MAGI1: variants seen among roughly 807,000 people sequenced by gnomAD.
MAGI1 encodes membrane associated guanylate kinase, WW and PDZ domain containing 1, also known as membrane-associated guanylate kinase, WW and PDZ domain-containing protein 1.
Under a neutral mutation model 139.9 loss-of-function variants are expected in MAGI1, and 58 were observed. The ratio of observed to expected loss-of-function variants is 0.41; its 90% CI spans 0.34 to 0.52. MAGI1 has a LOEUF of 0.52. MAGI1 is among the 20% of genes least tolerant of loss of function. MAGI1 has a pLI of 0.12. For missense variants in MAGI1, 1,874 were observed against 1,901.6 expected, an observed-to-expected ratio of 0.99 and a Z score of 0.27; for synonymous variants, 812 against 737.9, an observed-to-expected ratio of 1.10 and a Z score of -1.63.
Position 65,838,717 on chromosome 3 carries a change from G to A in MAGI1, c.313+199279C>T, listed in dbSNP as rs2058710919. Among the ~76,000 whole-genome samples, 4 of 152,230 alleles carry A rather than the reference G, an allele frequency of 2.6e-5. No individual in the cohort carries two copies. In the South Asian group the frequency reaches 8.3e-4, roughly 32 times the overall value. On this transcript the variant is annotated intron_variant, in intron 1 of 22. Coordinates refer to ENST00000402939, the MANE Select transcript of MAGI1 (RefSeq NM_001033057.2). The stretch of plus-strand genomic sequence containing the variant: ...TGTACAGGTTTTTGTGTGGACATAA[G>A]TTTCCATTTCTCTAGGGTGAATGCC...
chr3:65,397,469 G>A (rs746264633), intron 13 of MAGI1, among the ~76,000 whole-genome samples: 9 of 151,898 alleles, frequency 5.9e-5, no homozygotes, highest in Non-Finnish European at 1.3e-4. Context: ...CTTCAATGCG[G>A]ATGGGCACTG....
At chr3:65,553,575 C>T (rs1003973264) in intron 2 of MAGI1, among the ~76,000 whole-genome samples, 1 of 152,098 alleles carries the variant, frequency 6.6e-6, no homozygotes, top group South Asian at 2.1e-4. Flanking sequence ...ACATCAATGT[C>T]GCAAGTGTAT....
intron 1 of MAGI1, among the ~76,000 whole-genome samples, chr3:65,669,750 G>A (rs1603950): frequency 6.6e-6 from 1 of 152,140 alleles, no homozygotes; most frequent in African/African-American, 2.4e-5. Context: ...AGCTGATCTA[G>A]GTGCAATGGT....
At chr3:65,719,432 A>T (rs2032729253) in intron 1 of MAGI1, among the ~76,000 whole-genome samples, 1 of 151,954 alleles carries the variant, frequency 6.6e-6, no homozygotes, top group Non-Finnish European at 1.5e-5. Context: ...CTTGCTTTCT[A>T]CAATTTACAT....
intron 2 of MAGI1, among the ~76,000 whole-genome samples, chr3:65,592,404 C>A (rs530152999): frequency 6.2e-4 from 95 of 152,164 alleles, no homozygotes; most frequent in Non-Finnish European, 1.1e-3. Context: ...TACTGAAAAA[C>A]TAGAAACATG....
intron 1 of MAGI1, among the ~76,000 whole-genome samples, chr3:65,956,547 G>T (rs2064136326): frequency 6.6e-6 from 1 of 152,114 alleles, no homozygotes; most frequent in Non-Finnish European, 1.5e-5. Context: ...TCTTTACAGT[G>T]AAACACAGAA....
At chr3:65,589,610 T>C (rs1027931485) in intron 2 of MAGI1, among the ~76,000 whole-genome samples, 1 of 152,100 alleles carries the variant, frequency 6.6e-6, no homozygotes, top group African/African-American at 2.4e-5. Context: ...ATTTTTTCTG[T>C]CAAGGGTCAG....
Position 65,449,408 on chromosome 3 carries a change from G to C in MAGI1, c.1043-1351C>G, listed in dbSNP as rs138822472. On this transcript the variant is annotated intron_variant, in intron 6 of 22. Coordinates refer to ENST00000402939, the MANE Select transcript of MAGI1 (RefSeq NM_001033057.2). ...TTATCTAATGTCTTTGGGAGCATTTGTTCACTTCTTCAGTAGTTATTTATC... is the reference window on the plus strand; with the variant it reads ...TTATCTAATGTCTTTGGGAGCATTTCTTCACTTCTTCAGTAGTTATTTATC... Among the ~76,000 whole-genome samples the C allele has an allele frequency of 6.8e-3, 1,040 of 152,236 alleles. 5 individuals are homozygous for C. Among genetic ancestry groups the C allele is most frequent in the African/African-American group, 0.024 (982 of 41,548 alleles).
At chr3:65,420,527 C>T (rs1425384011) in intron 12 of MAGI1, among the ~76,000 whole-genome samples, 1 of 152,144 alleles carries the variant, frequency 6.6e-6, no homozygotes, top group African/African-American at 2.4e-5. Context: ...CTCATGAAAT[C>T]AGGAGCCTGT....
rs146380571 is a variant in MAGI1, at chr3:65,518,106, G to A, written c.431-24475C>T. Among the ~76,000 whole-genome samples the A allele has an allele frequency of 5.2e-4, 79 of 152,268 alleles. 1 individual carries two copies. The highest frequency in any genetic ancestry group is 1.8e-3 in the African/African-American group (75 of 41,554). Reference sequence around the variant, plus strand: ...CATATTAGGTGCTGAATAAACATCAGCTGAATGAATGTATCCCTCTAGTTA... The same window carrying A: ...CATATTAGGTGCTGAATAAACATCAACTGAATGAATGTATCCCTCTAGTTA... On this transcript the variant is annotated intron_variant, in intron 2 of 22. Transcript: ENST00000402939.
chr3:65,360,398 G>A (rs1460554023), intron 22 of MAGI1: 3 of 963,358 alleles, frequency 3.1e-6, no homozygotes, highest in Non-Finnish European at 3.7e-6. Flanking sequence ...AAATAAATAG[G>A]ACATAATTAT....
intron 2 of MAGI1, among the ~76,000 whole-genome samples, chr3:65,527,260 C>T (rs138212253): frequency 6.6e-6 from 1 of 152,338 alleles, no homozygotes; most frequent in African/African-American, 2.4e-5. Context: ...CTGAGTCTCA[C>T]ACCTAACTTA....
At chr3:65,700,090 T>A (rs1044736508) in intron 1 of MAGI1, among the ~76,000 whole-genome samples, 1 of 152,060 alleles carries the variant, frequency 6.6e-6, no homozygotes, top group Admixed American at 6.6e-5. Flanking sequence ...ATTTTGACAT[T>A]TTTGGTTTGT....
At chr3:65,923,379 C>T (rs2108748336) in intron 1 of MAGI1, among the ~76,000 whole-genome samples, 1 of 152,078 alleles carries the variant, frequency 6.6e-6, no homozygotes, top group South Asian at 2.1e-4. Flanking sequence ...GCGCGCACCA[C>T]CACGCCCAGC....
intron 2 of MAGI1, among the ~76,000 whole-genome samples, chr3:65,611,387 C>G (rs1449872707): frequency 7.0e-6 from 1 of 142,010 alleles, no homozygotes; most frequent in Non-Finnish European, 1.5e-5. Flanking sequence ...ATATACAGAA[C>G]ACTGTATACT....
At chr3:65,674,168 A>G (rs1048666180) in intron 1 of MAGI1, among the ~76,000 whole-genome samples, 1 of 152,228 alleles carries the variant, frequency 6.6e-6, no homozygotes, top group Non-Finnish European at 1.5e-5. Flanking sequence ...GATATAAGCA[A>G]TGACCATAAC....
chr3:65,476,836 G>A (rs1559590154), intron 4 of MAGI1, among the ~76,000 whole-genome samples: 1 of 152,094 alleles, frequency 6.6e-6, no homozygotes, highest in South Asian at 2.1e-4. Flanking sequence ...TTTGGTAAGG[G>A]CCACTATAAA....
intron 2 of MAGI1, among the ~76,000 whole-genome samples, chr3:65,618,991 T>C (rs2083520167): frequency 2.0e-5 from 3 of 152,184 alleles, no homozygotes; most frequent in African/African-American, 7.2e-5. Flanking sequence ...TCAACTAACA[T>C]GCCCTTTCTT....
At chr3:65,854,393 G>A (rs2059305593) in intron 1 of MAGI1, among the ~76,000 whole-genome samples, 1 of 152,134 alleles carries the variant, frequency 6.6e-6, no homozygotes, top group African/African-American at 2.4e-5. Flanking sequence ...CAGTAAATGT[G>A]ACAGTGCTTT....
Sources: gnomAD v4.1 joint callset for allele counts (sites outside exome capture counted in the v4.1 genomes callset) on GRCh38, gnomAD v4.1.1 for gene constraint, MANE v1.5 for transcripts, NCBI Gene and HGNC (gene_info 2026-07-23, HGNC 2026-07-21) for gene names.